MTA3: variants seen among roughly 807,000 people sequenced by gnomAD.
The protein encoded by MTA3 is metastasis-associated protein MTA3.
A neutral mutation model predicts 83.5 loss-of-function variants in MTA3; 34 were observed. The ratio of observed to expected loss-of-function variants is 0.41; its 90% CI spans 0.31 to 0.54. MTA3 has a LOEUF of 0.54. Ranked by LOEUF, MTA3 falls within the 20% of genes least tolerant of loss-of-function variation. The pLI, the probability that MTA3 is intolerant of heterozygous loss-of-function variation, is 0.33. For synonymous variants in MTA3, 303 were observed against 252.7 expected (o/e 1.20, Z -1.89); for missense variants, 761 against 726.4 (o/e 1.05, Z -0.55).
At chr2:42,678,117 A>C (rs1446120647) in intron 8 of MTA3, among the ~76,000 whole-genome samples, 2 of 152,190 alleles carry the variant, frequency 1.3e-5, no homozygotes, top group Non-Finnish European at 2.9e-5. Context: ...GCAAAAGCTG[A>C]AGAACCAAGA....
chr2:42,649,040 A>C (rs1688461994), intron 6 of MTA3, among the ~76,000 whole-genome samples: 1 of 152,134 alleles, frequency 6.6e-6, no homozygotes, highest in African/African-American at 2.4e-5. Context: ...CTTGTCATGC[A>C]GTTAGCACAG....
intron 4 of MTA3, among the ~76,000 whole-genome samples, chr2:42,614,790 C>T (rs184556131): frequency 2.6e-5 from 4 of 151,990 alleles, no homozygotes; most frequent in East Asian, 3.9e-4. Context: ...GCCTGGGCAA[C>T]ATTGGGACAC....
At chr2:42,693,081 TCTCTCC>T (rs57650241) in intron 9 of MTA3, among the ~76,000 whole-genome samples, 93,786 of 150,810 alleles carry the variant, frequency 0.62, 29,625 homozygotes, top group South Asian at 0.8. Context: ...AGAAACAGTG[TCTCTCC>T]CTCTCCCTCT....
chr2:42,612,182 T>G (rs1684302810), intron 4 of MTA3, among the ~76,000 whole-genome samples: 2 of 152,188 alleles, frequency 1.3e-5, no homozygotes, highest in South Asian at 4.1e-4. Flanking sequence ...TTCTTAAAGT[T>G]GTGTGTAACT....
rs1183545790 is a variant in MTA3 at position 42,708,175 on chromosome 2, C to T, written c.1302+121C>T. ...GAAGAAAGCTACCTTTATAGCTAAA[C>T]GTAGCACTACAATATTCAGGGTAGG... On this transcript the variant is annotated intron_variant, in intron 13 of 16. Transcript: ENST00000405094. 30 of 969,858 alleles carry T rather than the reference C, an allele frequency of 3.1e-5. 1 individual carries two copies. Among genetic ancestry groups the T allele is most frequent in the African/African-American group, 1.3e-4 (8 of 60,424 alleles). 60.1% of individuals were successfully genotyped at this position (969,858 alleles called of 1,614,324 possible). A position where few individuals can be genotyped will look rare whatever the true frequency, so the allele number is the denominator to read the frequency against.
At chr2:42,672,821 G>A (rs948109680) in intron 8 of MTA3, among the ~76,000 whole-genome samples, 5 of 149,802 alleles carry the variant, frequency 3.3e-5, no homozygotes, top group Non-Finnish European at 5.9e-5. Flanking sequence ...GAAAGTAGAT[G>A]GCAAACTTTT....
intron 16 of MTA3, among the ~76,000 whole-genome samples, chr2:42,738,762 A>C (rs145487913): frequency 1.6e-3 from 249 of 152,342 alleles, no homozygotes; most frequent in African/African-American, 5.7e-3. Context: ...GAGAAAGAGA[A>C]TGCGCACGTA....
At chr2:42,724,364 T>C (rs1261348636) in intron 16 of MTA3, among the ~76,000 whole-genome samples, 2 of 144,302 alleles carry the variant, frequency 1.4e-5, no homozygotes, top group African/African-American at 5.1e-5. Flanking sequence ...AGACTGTCGT[T>C]GTGGGCCAGG....
rs67598721 is a variant in MTA3 at position 42,595,106 on chromosome 2, A to ATTTTTTTT, written c.191-14338_191-14331dup. Reference sequence around the variant, plus strand: ...GGTAGTAAGGCTAAACAGGAGCTTCATTTTTTTTTTTTTTTTTTTTTGAGA... The same window carrying ATTTTTTTT: ...GGTAGTAAGGCTAAACAGGAGCTTCATTTTTTTTTTTTTTTTTTTTTTTTTTTTTGAGA... On this transcript the variant is annotated intron_variant, in intron 3 of 16. Transcript: ENST00000405094. Among the ~76,000 whole-genome samples the ATTTTTTTT allele has an allele frequency of 5.2e-5, 4 of 77,056 alleles. 1 individual carries two copies. The highest frequency in any genetic ancestry group is 5.3e-5 in the African/African-American group (1 of 18,698). The allele number at this position is 77,056 out of a possible 152,430, so 50.6% of individuals were successfully genotyped here.
intron 6 of MTA3, among the ~76,000 whole-genome samples, chr2:42,653,567 A>G (rs958953166): frequency 6.6e-6 from 1 of 152,282 alleles, no homozygotes; most frequent in Admixed American, 6.5e-5. Context: ...TGATCGTTTG[A>G]TATAGAGAAT....
Position 42,656,279 on chromosome 2 carries a change from T to A in MTA3, c.579T>A (p.Ile193=), listed in dbSNP as rs1558549479. ...ATAGCCCACTTACGGATCGACAGAT[T>A]GACCAGTTTTTAGTTGTAGCACGGT... ...DPNSPLTDRQ[I]DQFLVVARAV... is the part of the protein sequence containing the mutation. The change falls in exon 7 of 17, where the codon ATT becomes ATA. Residue 193 remains isoleucine (I), a synonymous_variant. Transcript: ENST00000405094. The A allele has an allele frequency of 6.2e-6, 10 of 1,613,604 alleles. No individual in the cohort carries two copies. Among genetic ancestry groups the A allele is most frequent in the Non-Finnish European group, 8.5e-6 (10 of 1,179,594 alleles).
At chr2:42,751,976 C>CTTGACACAAA (rs1454781492) in intron 16 of MTA3, among the ~76,000 whole-genome samples, 1 of 152,172 alleles carries the variant, frequency 6.6e-6, no homozygotes, top group African/African-American at 2.4e-5. Flanking sequence ...GTAGGAAAAA[C>CTTGACACAAA]TTGACACAAA....
intron 8 of MTA3, among the ~76,000 whole-genome samples, chr2:42,661,526 A>T (rs1659956465): frequency 8.8e-6 from 1 of 113,314 alleles, no homozygotes. Flanking sequence ...AAAAAAAAAA[A>T]AAGAAAAAGA....
At chr2:42,730,579 T>G (rs1204537372) in intron 16 of MTA3, among the ~76,000 whole-genome samples, 1 of 152,222 alleles carries the variant, frequency 6.6e-6, no homozygotes, top group Non-Finnish European at 1.5e-5. Context: ...CATGAGATAA[T>G]CTTGTTAAAT....
intron 2 of MTA3, among the ~76,000 whole-genome samples, chr2:42,510,520 G>T (rs1376647917): frequency 6.6e-6 from 1 of 152,098 alleles, no homozygotes; most frequent in East Asian, 1.9e-4. Flanking sequence ...GGACCTACAA[G>T]GAGGGAACTG....
chr2:42,671,507 A>C (rs948569887), intron 8 of MTA3, among the ~76,000 whole-genome samples: 1 of 152,178 alleles, frequency 6.6e-6, no homozygotes, highest in Admixed American at 6.5e-5. Context: ...GGTTTACTCT[A>C]ATATTCTTTT....
intron 6 of MTA3, among the ~76,000 whole-genome samples, chr2:42,650,549 C>A (rs956792503): frequency 1.3e-5 from 2 of 152,040 alleles, no homozygotes; most frequent in Non-Finnish European, 2.9e-5. Context: ...ACGCCATTTT[C>A]CTGCCTCAGC....
At chr2:42,504,199 G>T (rs1674524542) in intron 2 of MTA3, among the ~76,000 whole-genome samples, 2 of 151,892 alleles carry the variant, frequency 1.3e-5, no homozygotes, top group Admixed American at 6.6e-5. Flanking sequence ...CAAAGTGCTG[G>T]GTTTACAGGC....
chr2:42,520,945 C>G (rs1389490602), intron 2 of MTA3, among the ~76,000 whole-genome samples: 1 of 152,168 alleles, frequency 6.6e-6, no homozygotes. Context: ...TGATAAATAT[C>G]TCTTTCCTCT....
Sources: gnomAD v4.1 joint callset for allele counts (sites outside exome capture counted in the v4.1 genomes callset) on GRCh38, gnomAD v4.1.1 for gene constraint, MANE v1.5 for transcripts, NCBI Gene and HGNC (gene_info 2026-07-23, HGNC 2026-07-21) for gene names.